PI4K2B: variants seen among roughly 807,000 people sequenced by gnomAD.
PI4K2B encodes phosphatidylinositol 4-kinase type 2 beta.
PI4K2B carries 46 observed loss-of-function variants against 56.6 expected under a neutral mutation model. The observed-to-expected ratio is 0.81, with a 90% confidence interval of 0.64 to 1.04. PI4K2B has a LOEUF of 1.04. Among genes scored for constraint, PI4K2B ranks in the 50% least tolerant of loss-of-function variants. The pLI is 0.00. For synonymous variants in PI4K2B, 211 were observed against 223.8 expected, an observed-to-expected ratio of 0.94 and a Z score of 0.51; for missense variants, 556 against 607.7, an observed-to-expected ratio of 0.91 and a Z score of 0.89.
At chr4:25,255,044 A>AT in intron 2 of PI4K2B, 21 bp from the exon 3 acceptor site, 2 of 1,534,810 alleles carry the variant, frequency 1.3e-6, no homozygotes, top group South Asian at 2.3e-5. Flanking sequence ...GTCTAATAAG[A>AT]TTTTTACTTT....
At chr4:25,263,270 T>C (rs1348276470) in intron 6 of PI4K2B, among the ~76,000 whole-genome samples, 1 of 152,182 alleles carries the variant, frequency 6.6e-6, no homozygotes, top group Non-Finnish European at 1.5e-5. Context: ...TTCCTTCTAC[T>C]AGATCTTATA....
intron 1 of PI4K2B, among the ~76,000 whole-genome samples, chr4:25,246,225 G>T (rs1240489223): frequency 6.6e-6 from 1 of 152,054 alleles, no homozygotes; most frequent in Non-Finnish European, 1.5e-5. Flanking sequence ...ACCTGAGTGG[G>T]TTGCCACTGC....
intron 1 of PI4K2B, among the ~76,000 whole-genome samples, chr4:25,245,935 T>A (rs1014947011): frequency 1.3e-5 from 2 of 152,268 alleles, no homozygotes; most frequent in South Asian, 2.1e-4. Context: ...ATTGGTGGGT[T>A]CTTGGTCTCA....
chr4:25,261,627 A>T (rs1306646640), intron 6 of PI4K2B, among the ~76,000 whole-genome samples: 3 of 152,248 alleles, frequency 2.0e-5, no homozygotes, highest in Admixed American at 2.0e-4. Context: ...TTAAAAATAC[A>T]TATTCGTAGC....
At chr4:25,265,242 CT>C (rs763713385) in intron 7 of PI4K2B, among the ~76,000 whole-genome samples, 1 of 140,682 alleles carries the variant, frequency 7.1e-6, no homozygotes, top group African/African-American at 2.6e-5. Flanking sequence ...TGATATGTCT[CT>C]TTTAAATTCC....
At chr4:25,247,925 A>G (rs1300013177) in intron 1 of PI4K2B, among the ~76,000 whole-genome samples, 2 of 151,492 alleles carry the variant, frequency 1.3e-5, no homozygotes, top group Non-Finnish European at 2.9e-5. Context: ...CTGGTCTTGA[A>G]CTCCTGGACA....
At chr4:25,271,117 C>T (rs1342556713) in intron 9 of PI4K2B, among the ~76,000 whole-genome samples, 1 of 152,242 alleles carries the variant, frequency 6.6e-6, no homozygotes, top group African/African-American at 2.4e-5. Flanking sequence ...ACGCATCTCT[C>T]TGCTCCATCA....
chr4:25,246,771 G>T (rs1715802555), intron 1 of PI4K2B, among the ~76,000 whole-genome samples: 1 of 152,178 alleles, frequency 6.6e-6, no homozygotes, highest in South Asian at 2.1e-4. Context: ...CCTGCCCTGT[G>T]GGGAGGCAGC....
chr4:25,235,855 A>G lies in PI4K2B; in HGVS notation c.268+1424A>G, dbSNP rs572163365. On this transcript the variant is annotated intron_variant, in intron 1 of 9. Coordinates refer to ENST00000264864, the MANE Select transcript of PI4K2B (RefSeq NM_018323.4). Reference sequence around the variant, plus strand: ...AAACAAACAGTATTAAGGCTAGAAAAAAATCAAAGCGAGAGGTCAACGAGA... The same window carrying G: ...AAACAAACAGTATTAAGGCTAGAAAGAAATCAAAGCGAGAGGTCAACGAGA... Among the ~76,000 whole-genome samples, 5 of 152,296 alleles carry G rather than the reference A, an allele frequency of 3.3e-5. No individual in the cohort carries two copies. The South Asian group carries it at 1.0e-3, about 32-fold the overall frequency.
intron 4 of PI4K2B, among the ~76,000 whole-genome samples, chr4:25,258,311 G>A (rs1326862479): frequency 2.0e-5 from 3 of 149,044 alleles, no homozygotes; most frequent in African/African-American, 4.9e-5. Flanking sequence ...GAGTTCAAGC[G>A]ATTCTCCTGC....
At chr4:25,268,318 T>C (rs2109023241) in intron 7 of PI4K2B, 125 bp from the exon 8 acceptor site, 1 of 734,036 alleles carries the variant, frequency 1.4e-6, no homozygotes, top group Non-Finnish European at 2.3e-6. Context: ...AGTTGTACTC[T>C]GATTAAGTTC....
At chr4:25,236,260 T>C (rs1212833394) in intron 1 of PI4K2B, among the ~76,000 whole-genome samples, 1 of 148,728 alleles carries the variant, frequency 6.7e-6, no homozygotes, top group African/African-American at 2.5e-5. Flanking sequence ...TAAATAAATT[T>C]TATTCTCTGT....
In PI4K2B at chr4:25,273,963, C is replaced by T. The variant is rs141191940; in HGVS notation, c.1273-3051C>T. On this transcript the variant is annotated intron_variant, in intron 9 of 9. Coordinates refer to ENST00000264864, the MANE Select transcript of PI4K2B (RefSeq NM_018323.4). ...TTTCCCAGTGGTGCTCTTGCGCACGCGATTCTTTCCCCTCGATGCCTTGCC... is the reference window on the plus strand; with the variant it reads ...TTTCCCAGTGGTGCTCTTGCGCACGTGATTCTTTCCCCTCGATGCCTTGCC... Among the ~76,000 whole-genome samples, 426 of 152,206 alleles carry T rather than the reference C, an allele frequency of 2.8e-3. 1 individual carries two copies. Among genetic ancestry groups the T allele is most frequent in the African/African-American group, 9.5e-3 (393 of 41,552 alleles).
At chr4:25,276,797 A>C in intron 9 of PI4K2B, 1 of 974,694 alleles carries the variant, frequency 1.0e-6, no homozygotes, top group Non-Finnish European at 1.2e-6. Flanking sequence ...ATTTAATGCT[A>C]ATTGTGTGTG....
chr4:25,236,604 G>A (rs1327349946), intron 1 of PI4K2B, among the ~76,000 whole-genome samples: 3 of 152,108 alleles, frequency 2.0e-5, no homozygotes, highest in African/African-American at 7.2e-5. Context: ...GTTGTTATTC[G>A]CCATTATTCT....
intron 7 of PI4K2B, 59 bp downstream of exon 7, chr4:25,263,908 G>GA: frequency 2.7e-6 from 2 of 729,444 alleles, no homozygotes; most frequent in South Asian, 1.9e-5. Context: ...AATGAGAAGG[G>GA]AAAAAAATTT....
intron 6 of PI4K2B, among the ~76,000 whole-genome samples, chr4:25,262,535 G>A (rs1391309166): frequency 1.3e-5 from 2 of 152,080 alleles, no homozygotes. Flanking sequence ...CTTCACTGTA[G>A]TGCTTTTAAA....
intron 7 of PI4K2B, 31 bp from the exon 8 acceptor site, chr4:25,268,412 C>A: frequency 6.4e-7 from 1 of 1,566,678 alleles, no homozygotes; most frequent in Non-Finnish European, 8.7e-7. Flanking sequence ...CATTTCCTAC[C>A]ACTGATTAGG....
intron 4 of PI4K2B, 135 bp downstream of exon 4, chr4:25,256,809 A>C (rs1716278995): frequency 1.3e-6 from 1 of 788,808 alleles, no homozygotes; most frequent in Non-Finnish European, 2.0e-6. Context: ...TATAGTAAAC[A>C]GGTAATTTTA....
Sources: allele counts gnomAD v4.1 joint callset (sites outside exome capture counted in the v4.1 genomes callset), GRCh38; gene constraint gnomAD v4.1.1; transcripts MANE v1.5; gene names NCBI Gene and HGNC (gene_info 2026-07-23, HGNC 2026-07-21).